Variants in KRT23 observed in about 807,000 individuals in gnomAD.
The protein encoded by KRT23 is keratin 23.
A neutral mutation model predicts 47.6 loss-of-function variants in KRT23; 38 were observed. The observed-to-expected ratio is 0.80, with a 90% CI of 0.62 to 1.05. The LOEUF is 1.05. Ranked by LOEUF, KRT23 falls within the 50% of genes least tolerant of loss-of-function variation. The pLI is 0.00. For synonymous variants in KRT23, 191 were observed against 199.0 expected (o/e 0.96, Z 0.34); for missense variants, 503 against 529.5 (o/e 0.95, Z 0.49).
chr17:40,930,377 C>G (rs1225934114), intron 3 of KRT23, among the ~76,000 whole-genome samples: 1 of 152,182 alleles, frequency 6.6e-6, no homozygotes. Flanking sequence ...TTTGCTTCAT[C>G]TATTTCATTG....
At chr17:40,930,998 C>A in intron 3 of KRT23, among the ~76,000 whole-genome samples, 1 of 146,724 alleles carries the variant, frequency 6.8e-6, no homozygotes. Flanking sequence ...CGGGTAATGG[C>A]AAGATGAGTT....
At chr17:40,928,636 C>G (rs767535841) in intron 4 of KRT23, 29 bp from the exon 5 acceptor site, 52 of 1,596,194 alleles carry the variant, frequency 3.3e-5, no homozygotes, top group Non-Finnish European at 4.4e-5. Context: ...AGGAAATGAA[C>G]CGGCTTTGAC....
In KRT23 at chr17:40,936,693, T is replaced by C. The variant is rs1910106802; in HGVS notation, c.-90A>G. 1 of 1,261,548 alleles carries C rather than the reference T, an allele frequency of 7.9e-7. No individual in the cohort carries two copies. The highest frequency in any genetic ancestry group is 1.1e-6 in the Non-Finnish European group (1 of 947,550). The allele number at this position is 1,261,548 out of a possible 1,614,324, so 78.1% of individuals were successfully genotyped here. A position where few individuals can be genotyped will look rare whatever the true frequency, so the allele number is the denominator to read the frequency against. The stretch of plus-strand genomic sequence containing the variant: ...CGCCCCAGACTGCCCTGGATGGTTT[T>C]ATGGCCTTTGCTGTGGGAGTTCCCT... On this transcript the variant is annotated 5_prime_UTR_variant, in exon 2 of 9. The change creates a new upstream start codon in the 5' untranslated region. Transcript: ENST00000209718.
chr17:40,924,405 C>T, intron 8 of KRT23, 67 bp downstream of exon 8: 1 of 1,334,070 alleles, frequency 7.5e-7, no homozygotes, highest in Non-Finnish European at 1.1e-6. Context: ...ATTATGACTA[C>T]TACAAAATGG....
chr17:40,935,246 C>T (rs1186976127), intron 2 of KRT23, among the ~76,000 whole-genome samples: 1 of 151,882 alleles, frequency 6.6e-6, no homozygotes, highest in African/African-American at 2.4e-5. Context: ...GTCCTTCCTA[C>T]ATTCAAGCAA....
intron 2 of KRT23, among the ~76,000 whole-genome samples, chr17:40,935,922 G>A (rs143097699): frequency 4.1e-4 from 63 of 152,292 alleles, no homozygotes; most frequent in African/African-American, 1.4e-3. Context: ...TTTGGTCTGT[G>A]AGAAATCAGT....
intron 4 of KRT23, 73 bp downstream of exon 4, chr17:40,929,867 T>C (rs985996524): frequency 7.9e-6 from 11 of 1,396,114 alleles, no homozygotes; most frequent in Non-Finnish European, 1.1e-5. Flanking sequence ...GTTTCTTCTG[T>C]AGCTGTCGAA....
chr17:40,930,033 G>C lies in KRT23; in HGVS notation c.543C>G (p.Thr181=). 3.1e-6 allele frequency: 5 copies of C among 1,614,080 alleles called. No individual in the cohort carries two copies. Among genetic ancestry groups the C allele is most frequent in the Non-Finnish European group, 4.2e-6 (5 of 1,179,956 alleles). ...LEIEVEGLRR[T]LDNLTIVTTD... ...TTGTGACAATGGTCAGGTTGTCTAA[G>C]GTCCTTCGGAGGCCCTCGACTTCAA... Residue 181 remains threonine (T), a synonymous_variant, in exon 4 of 9, where the codon ACC becomes ACG. Transcript: ENST00000209718.
At chr17:40,937,303 A>G (rs1009337218) in intron 1 of KRT23, 43 bp downstream of exon 1, 2 of 152,250 alleles carry the variant, frequency 1.3e-5, no homozygotes, top group Non-Finnish European at 2.9e-5. Context: ...TCTTAAGAAC[A>G]AACCCTCAAT....
intron 2 of KRT23, among the ~76,000 whole-genome samples, chr17:40,934,955 G>A (rs979538584): frequency 1.3e-5 from 2 of 151,946 alleles, no homozygotes; most frequent in Admixed American, 1.3e-4. Context: ...TCTTCCGCGA[G>A]CTCATAAATT....
chr17:40,924,446 T>C, intron 8 of KRT23, 26 bp downstream of exon 8: 3 of 1,593,240 alleles, frequency 1.9e-6, no homozygotes, highest in Non-Finnish European at 2.6e-6. Flanking sequence ...AAAACAGAGA[T>C]TCAAACAATG....
intron 3 of KRT23, 25 bp downstream of exon 3, chr17:40,931,348 A>G: frequency 1.3e-6 from 2 of 1,561,878 alleles, no homozygotes; most frequent in Non-Finnish European, 1.8e-6. Context: ...AAAAACCCGA[A>G]CAACCCTGTG....
intron 3 of KRT23, among the ~76,000 whole-genome samples, chr17:40,930,548 G>A (rs1490122485): frequency 1.3e-5 from 2 of 151,818 alleles, no homozygotes; most frequent in South Asian, 2.1e-4. Context: ...GGCGGATCAC[G>A]AGGCCAAGAG....
intron 6 of KRT23, among the ~76,000 whole-genome samples, chr17:40,927,530 G>T (rs755336333): frequency 6.6e-6 from 1 of 152,132 alleles, no homozygotes; most frequent in Non-Finnish European, 1.5e-5. Flanking sequence ...GGGTAGAATC[G>T]CACTTGGCAA....
chr17:40,933,555 G>A (rs1909842403), intron 2 of KRT23, among the ~76,000 whole-genome samples: 1 of 152,180 alleles, frequency 6.6e-6, no homozygotes, highest in Non-Finnish European at 1.5e-5. Flanking sequence ...CAAAAATACT[G>A]TCTATGGGCT....
In KRT23 at chr17:40,928,239, G is replaced by A. The variant is rs35937181; in HGVS notation, c.920C>T (p.Thr307Met). The change falls in exon 6 of 9, where the codon ACG becomes ATG. Residue 307 changes from threonine to methionine, a missense_variant and splice_region_variant. Transcript: ENST00000209718. ...LEIDLQTQYS[T>M]KSALENMLSE... ...ACGGTTTTCCTAGCCTTGACTCACCGTGCTGTACTGTGTCTGCAGGTCAAT... is the reference window on the plus strand; with the variant it reads ...ACGGTTTTCCTAGCCTTGACTCACCATGCTGTACTGTGTCTGCAGGTCAAT... 1.0e-3 allele frequency: 1,658 copies of A among 1,614,096 alleles called. 18 individuals are homozygous for A. The African/African-American group carries it at 0.02, about 19-fold the overall frequency.
rs770663015 is a variant in KRT23, at chr17:40,936,655, C to A, written c.-52G>T. ...TGAGCTCTGCTCCACTCCCTGGCACCGCAGAACTGAGCCGCCCCAGACTGC... is the reference window on the plus strand; with the variant it reads ...TGAGCTCTGCTCCACTCCCTGGCACAGCAGAACTGAGCCGCCCCAGACTGC... On this transcript the variant is annotated 5_prime_UTR_variant, in exon 2 of 9. Coordinates refer to ENST00000209718, the MANE Select transcript of KRT23 (RefSeq NM_015515.5). 6.8e-7 allele frequency: 1 copy of A among 1,466,850 alleles called. No individual in the cohort carries two copies. The highest frequency in any genetic ancestry group is 1.6e-5 in the South Asian group (1 of 63,120). 90.9% of individuals were successfully genotyped at this position (1,466,850 alleles called of 1,614,324 possible).
In KRT23 at chr17:40,931,403, G is replaced by A; in HGVS notation, c.449C>T (p.Ala150Val). 1 of 1,613,400 alleles carries A rather than the reference G, an allele frequency of 6.2e-7. No individual in the cohort carries two copies. The highest frequency in any genetic ancestry group is 2.2e-5 in the East Asian group (1 of 44,876). The change falls in exon 3 of 9, where the codon GCC becomes GTC. Residue 150 changes from alanine to valine, a missense_variant. Transcript: ENST00000209718. The part of the protein sequence containing the change: ...NAQIILLIDN[A>V]RMAVDDFNLK... ...GTTGAAGTCATCCACTGCCATCCTG[G>A]CATTGTCAATGAGAAGAATAATCTG...
chr17:40,926,104 C>T (rs993328963), intron 6 of KRT23, among the ~76,000 whole-genome samples: 1 of 151,756 alleles, frequency 6.6e-6, no homozygotes, highest in African/African-American at 2.4e-5. Context: ...TAGTCTCAAG[C>T]AATGCTTTTT....
Sources: allele counts gnomAD v4.1 joint callset (sites outside exome capture counted in the v4.1 genomes callset), GRCh38; gene constraint gnomAD v4.1.1; transcripts MANE v1.5; gene names NCBI Gene and HGNC (gene_info 2026-07-23, HGNC 2026-07-21).